TAFA5: variants seen among roughly 807,000 people sequenced by gnomAD.
TAFA5 encodes TAFA chemokine like family member 5, also known as chemokine-like protein TAFA-5.
A neutral mutation model predicts 15.3 loss-of-function variants in TAFA5; 6 were observed. The observed-to-expected ratio is 0.39, with a 90% CI of 0.21 to 0.77. TAFA5 has a LOEUF of 0.77. Among genes scored for constraint, TAFA5 ranks in the 30% least tolerant of loss-of-function variants. The pLI is 0.41. For synonymous variants in TAFA5, 103 were observed against 80.7 expected (o/e 1.28, Z -1.48); for missense variants, 161 against 193.1 (o/e 0.83, Z 0.98).
intron 1 of TAFA5, among the ~76,000 whole-genome samples, chr22:48,575,882 G>A (rs1923762158): frequency 7.0e-6 from 1 of 142,178 alleles, no homozygotes; most frequent in South Asian, 2.2e-4. Context: ...GGCGGCGGTG[G>A]CGGCGGCGGC....
chr22:48,707,596 G>A (rs1929120042), intron 2 of TAFA5, 121 bp from the exon 3 acceptor site: 4 of 1,237,342 alleles, frequency 3.2e-6, no homozygotes, highest in African/African-American at 1.5e-5. Flanking sequence ...TCCCTGGGTG[G>A]AGCCACGCCG....
chr22:48,590,629 G>A (rs1924533665), intron 1 of TAFA5, among the ~76,000 whole-genome samples: 1 of 152,088 alleles, frequency 6.6e-6, no homozygotes, highest in Non-Finnish European at 1.5e-5. Context: ...ACAGACCCAG[G>A]ACTGTGACTC....
At chr22:48,746,867 C>T (rs1380177007) in intron 3 of TAFA5, among the ~76,000 whole-genome samples, 1 of 152,142 alleles carries the variant, frequency 6.6e-6, no homozygotes, top group Admixed American at 6.5e-5. Context: ...CTGCTGAGCT[C>T]CCCGTCCCAC....
intron 1 of TAFA5, among the ~76,000 whole-genome samples, chr22:48,525,170 C>T (rs796229894): frequency 2.6e-5 from 4 of 152,334 alleles, no homozygotes; most frequent in African/African-American, 7.2e-5. Context: ...CATCTAAAAA[C>T]GTCCCTTTGC....
intron 1 of TAFA5, among the ~76,000 whole-genome samples, chr22:48,502,417 T>G (rs1920957478): frequency 6.6e-6 from 1 of 152,146 alleles, no homozygotes; most frequent in African/African-American, 2.4e-5. Flanking sequence ...GAGCTGGGAG[T>G]ACTTTTGTCT....
chr22:48,737,181 C>T (rs917652063), intron 3 of TAFA5, among the ~76,000 whole-genome samples: 2 of 152,164 alleles, frequency 1.3e-5, no homozygotes, highest in Admixed American at 1.3e-4. Context: ...AGGCCAGACA[C>T]CTGGCCACAC....
intron 1 of TAFA5, among the ~76,000 whole-genome samples, chr22:48,491,699 A>ACGTT (rs1458889271): frequency 1.3e-5 from 2 of 152,220 alleles, no homozygotes; most frequent in Admixed American, 6.5e-5. Flanking sequence ...AGGTGTCAGC[A>ACGTT]CGTTGTTCAT....
intron 2 of TAFA5, among the ~76,000 whole-genome samples, chr22:48,691,683 T>A (rs1382835739): frequency 6.6e-6 from 1 of 152,206 alleles, no homozygotes; most frequent in African/African-American, 2.4e-5. Context: ...TTTCCCCACC[T>A]GTGGACCCTA....
In TAFA5 at chr22:48,567,542, G is replaced by A. The variant is rs1050864778; in HGVS notation, c.112+77838G>A. ...AAGAGTCCCTGCGGTTGCTGTGGGC[G>A]GGGATTGGTGGGCATGGCTGGCAGG... On this transcript the variant is annotated intron_variant, in intron 1 of 3. Coordinates refer to ENST00000402357, the MANE Select transcript of TAFA5 (RefSeq NM_001082967.3). Among the ~76,000 whole-genome samples, 80 of 152,206 alleles carry A rather than the reference G, an allele frequency of 5.3e-4. 1 individual carries two copies. The highest frequency in any genetic ancestry group is 4.6e-4 in the Admixed American group (7 of 15,282).
intron 1 of TAFA5, among the ~76,000 whole-genome samples, chr22:48,626,952 C>A (rs1926044434): frequency 6.6e-6 from 1 of 152,180 alleles, no homozygotes; most frequent in Non-Finnish European, 1.5e-5. Context: ...GACCTCCTGT[C>A]CTCCGTGGGA....
At chr22:48,658,107 C>T (rs970812399) in intron 2 of TAFA5, among the ~76,000 whole-genome samples, 5 of 152,168 alleles carry the variant, frequency 3.3e-5, no homozygotes, top group African/African-American at 7.2e-5. Context: ...GCCCTGATTG[C>T]GGCCATTAGC....
intron 1 of TAFA5, among the ~76,000 whole-genome samples, chr22:48,589,959 G>C (rs1924501038): frequency 6.6e-6 from 1 of 151,772 alleles, no homozygotes; most frequent in African/African-American, 2.4e-5. Flanking sequence ...CCAAGCCGAA[G>C]ATCTTGTCAC....
rs1382019337 is a variant in TAFA5 at position 48,710,688 on chromosome 22, G to T, written c.390+2844G>T. Among the ~76,000 whole-genome samples, 3 of 152,222 alleles carry T rather than the reference G, an allele frequency of 2.0e-5. No homozygotes were observed. In the East Asian group the frequency reaches 5.8e-4, roughly 29 times the overall value. ...GGCAGTGAGCCCCCCTTATTCTGGGGCATTTGAGGCAGAGGCTGACCAGGC... is the reference window on the plus strand; with the variant it reads ...GGCAGTGAGCCCCCCTTATTCTGGGTCATTTGAGGCAGAGGCTGACCAGGC... On this transcript the variant is annotated intron_variant, in intron 3 of 3. Transcript: ENST00000402357.
intron 2 of TAFA5, among the ~76,000 whole-genome samples, chr22:48,677,623 C>G (rs1345988916): frequency 6.6e-6 from 1 of 152,220 alleles, no homozygotes; most frequent in East Asian, 1.9e-4. Flanking sequence ...GGAGTCCAGG[C>G]TGGGTCTTCT....
chr22:48,562,393 C>T (rs1046287993), intron 1 of TAFA5, among the ~76,000 whole-genome samples: 1 of 152,208 alleles, frequency 6.6e-6, no homozygotes, highest in African/African-American at 2.4e-5. Flanking sequence ...CTGCCTCGGC[C>T]TCCCAAAGTG....
intron 3 of TAFA5, among the ~76,000 whole-genome samples, chr22:48,714,629 G>A (rs1239126925): frequency 6.6e-6 from 1 of 152,220 alleles, no homozygotes; most frequent in Non-Finnish European, 1.5e-5. Context: ...GCGATTAGGT[G>A]AAAATCGACG....
chr22:48,503,013 A>G (rs566937402), intron 1 of TAFA5, among the ~76,000 whole-genome samples: 3 of 152,182 alleles, frequency 2.0e-5, no homozygotes, highest in African/African-American at 7.2e-5. Context: ...AGGTGGAAGG[A>G]TGTGGGTCCC....
At chr22:48,647,662 C>G (rs1926914131) in intron 2 of TAFA5, among the ~76,000 whole-genome samples, 1 of 152,054 alleles carries the variant, frequency 6.6e-6, no homozygotes, top group Non-Finnish European at 1.5e-5. Flanking sequence ...TCCCTTGTGA[C>G]CAGAGTGGGT....
chr22:48,653,392 C>T (rs1218937231), intron 2 of TAFA5, among the ~76,000 whole-genome samples: 2 of 152,216 alleles, frequency 1.3e-5, no homozygotes, highest in South Asian at 2.1e-4. Context: ...GCAGCCACTT[C>T]AGGCCCAGCA....
Sources: gnomAD v4.1 joint callset for allele counts (sites outside exome capture counted in the v4.1 genomes callset) on GRCh38, gnomAD v4.1.1 for gene constraint, MANE v1.5 for transcripts, NCBI Gene and HGNC (gene_info 2026-07-23, HGNC 2026-07-21) for gene names.